Variants in CDH2 observed in about 807,000 individuals in gnomAD.
CDH2 encodes cadherin 2, also known as cadherin-2.
A neutral mutation model predicts 92.0 loss-of-function variants in CDH2; 17 were observed. The ratio of observed to expected loss-of-function variants is 0.18; its 90% CI spans 0.13 to 0.28. The LOEUF (loss-of-function observed/expected upper bound fraction) is 0.28. Among genes scored for constraint, CDH2 ranks in the 10% least tolerant of loss-of-function variants. The pLI is 1.00. For synonymous variants in CDH2, 419 were observed against 415.9 expected (o/e 1.01, Z -0.09); for missense variants, 862 against 1,133.1 (o/e 0.76, Z 3.44).
chr18:28,040,928 A>T (rs1283574439), intron 2 of CDH2, among the ~76,000 whole-genome samples: 1 of 152,206 alleles, frequency 6.6e-6, no homozygotes, highest in Non-Finnish European at 1.5e-5. Flanking sequence ...TAAAAGGTAG[A>T]TGTTACTTTA....
chr18:28,045,439 C>A (rs770687949), intron 2 of CDH2: 1 of 468,158 alleles, frequency 2.1e-6, no homozygotes. Context: ...TGTCCTTCAA[C>A]AATGTGGCCA....
chr18:27,969,447 A>G (rs538106178), intron 14 of CDH2, among the ~76,000 whole-genome samples: 40 of 152,314 alleles, frequency 2.6e-4, no homozygotes, highest in African/African-American at 9.4e-4. Flanking sequence ...ATTATGAATG[A>G]GCTATAGGTT....
intron 1 of CDH2, among the ~76,000 whole-genome samples, chr18:28,160,747 A>ACGAAGGGAAAGTCT (rs2016294958): frequency 6.6e-6 from 1 of 152,154 alleles, no homozygotes; most frequent in Admixed American, 6.5e-5. Context: ...TCCAAGGGAG[A>ACGAAGGGAAAGTCT]CGAAGGGAAA....
At chr18:28,013,481 A>C (rs919016294) in intron 3 of CDH2, among the ~76,000 whole-genome samples, 1 of 152,224 alleles carries the variant, frequency 6.6e-6, no homozygotes, top group Non-Finnish European at 1.5e-5. Flanking sequence ...TTTAAAATAC[A>C]ATTTCTAGTT....
chr18:27,992,940 T>C (rs2012469482), intron 8 of CDH2, 100 bp from the exon 9 acceptor site: 1 of 707,778 alleles, frequency 1.4e-6, no homozygotes, highest in Non-Finnish European at 2.3e-6. Flanking sequence ...CCCATTAGAT[T>C]TTTATTATCT....
intron 2 of CDH2, among the ~76,000 whole-genome samples, chr18:28,088,838 CAGAT>C (rs2014985240): frequency 6.6e-6 from 1 of 152,108 alleles, no homozygotes; most frequent in Admixed American, 6.5e-5. Flanking sequence ...TGAGTGGAGG[CAGAT>C]ATTGCATATC....
chr18:28,086,947 A>T (rs562197476), intron 2 of CDH2, among the ~76,000 whole-genome samples: 1 of 152,278 alleles, frequency 6.6e-6, no homozygotes, highest in African/African-American at 2.4e-5. Context: ...GCTCTCATTC[A>T]GGCCTCCTAC....
chr18:28,126,566 T>C (rs2015680795), intron 2 of CDH2, among the ~76,000 whole-genome samples: 2 of 152,322 alleles, frequency 1.3e-5, no homozygotes, highest in South Asian at 4.1e-4. Context: ...GCAAATTTGA[T>C]ATACTTACAT....
At chr18:28,140,245 T>A (rs2015930620) in intron 2 of CDH2, among the ~76,000 whole-genome samples, 1 of 151,970 alleles carries the variant, frequency 6.6e-6, no homozygotes, top group African/African-American at 2.4e-5. Context: ...TGACCTTGGA[T>A]TTTGCAATGG....
At chr18:28,044,761 A>G (rs2014038099) in intron 2 of CDH2, among the ~76,000 whole-genome samples, 1 of 136,920 alleles carries the variant, frequency 7.3e-6, no homozygotes, top group African/African-American at 2.9e-5. Context: ...CAACTTCTCT[A>G]AGCCTTAGTT....
chr18:28,047,143 C>A (rs1567977851), intron 2 of CDH2, among the ~76,000 whole-genome samples: 2 of 152,110 alleles, frequency 1.3e-5, no homozygotes, highest in Non-Finnish European at 2.9e-5. Flanking sequence ...ATTACCGTCA[C>A]TTCCATAGGA....
intron 6 of CDH2, among the ~76,000 whole-genome samples, chr18:27,935,302 G>A (rs771198299): frequency 6.6e-6 from 1 of 152,160 alleles, no homozygotes; most frequent in Non-Finnish European, 1.5e-5. Context: ...GGAAAGCAAA[G>A]GGGAAGCAGA....
intron 2 of CDH2, among the ~76,000 whole-genome samples, chr18:28,046,053 C>G (rs2014068793): frequency 6.6e-6 from 1 of 152,168 alleles, no homozygotes; most frequent in Non-Finnish European, 1.5e-5. Context: ...TTAAGGTAGT[C>G]AAGTATGTGA....
chr18:28,026,639 T>C (rs1237583549), intron 2 of CDH2, among the ~76,000 whole-genome samples: 1 of 152,132 alleles, frequency 6.6e-6, no homozygotes, highest in Non-Finnish European at 1.5e-5. Flanking sequence ...GGAGGGCAAA[T>C]GCTGTCCAAC....
At chr18:28,172,090 TG>T (rs1464117370) in intron 1 of CDH2, among the ~76,000 whole-genome samples, 74 of 151,874 alleles carry the variant, frequency 4.9e-4, no homozygotes, top group African/African-American at 1.8e-3. Flanking sequence ...TGTGTGTGTG[TG>T]TGTGTGTGTG....
chr18:28,019,142 G>A (rs947811431), intron 2 of CDH2, among the ~76,000 whole-genome samples: 2 of 152,028 alleles, frequency 1.3e-5, no homozygotes, highest in Non-Finnish European at 2.9e-5. Flanking sequence ...GAGACTCAGG[G>A]AAAGGGTGGG....
intron 2 of CDH2, among the ~76,000 whole-genome samples, chr18:28,121,646 A>G (rs764237045): frequency 3.3e-5 from 5 of 152,018 alleles, no homozygotes; most frequent in Admixed American, 6.6e-5. Flanking sequence ...CATCAATTCA[A>G]CACTCATCTA....
At chr18:28,101,713 C>A (rs1055492448) in intron 2 of CDH2, among the ~76,000 whole-genome samples, 1 of 152,068 alleles carries the variant, frequency 6.6e-6, no homozygotes, top group African/African-American at 2.4e-5. Flanking sequence ...ACTTTTCTGC[C>A]ATCCAGGAAA....
At chr18:28,044,850 C>CATGTGTGTGTGT (rs146861256) in intron 2 of CDH2, among the ~76,000 whole-genome samples, 6 of 148,394 alleles carry the variant, frequency 4.0e-5, no homozygotes, top group Non-Finnish European at 4.5e-5. Flanking sequence ...TATATAACAT[C>CATGTGTGTGTGT]GTGTGTGTGT....
Sources: allele counts gnomAD v4.1 joint callset (sites outside exome capture counted in the v4.1 genomes callset), GRCh38; gene constraint gnomAD v4.1.1; transcripts MANE v1.5; gene names NCBI Gene and HGNC (gene_info 2026-07-23, HGNC 2026-07-21).